The following SRPK2 variants were observed in gnomAD, a reference collection of about 807,000 sequenced individuals.
SRPK2 encodes SRSF protein kinase 2.
Under a neutral mutation model 90.8 loss-of-function variants are expected in SRPK2, and 21 were observed. The ratio of observed to expected loss-of-function variants is 0.23; its 90% CI spans 0.16 to 0.33. The LOEUF (loss-of-function observed/expected upper bound fraction) is 0.33, where lower values mean the gene tolerates loss of function less well. Ranked by LOEUF, SRPK2 falls within the 10% of genes least tolerant of loss-of-function variation. The pLI is 1.00. For synonymous variants in SRPK2, 288 were observed against 311.1 expected, an observed-to-expected ratio of 0.93 and a Z score of 0.78; for missense variants, 620 against 869.0, an observed-to-expected ratio of 0.71 and a Z score of 3.60.
At chr7:105,269,747 A>T (rs1400298262) in intron 2 of SRPK2, among the ~76,000 whole-genome samples, 3 of 151,970 alleles carry the variant, frequency 2.0e-5, no homozygotes, top group Non-Finnish European at 4.4e-5. Context: ...CCTTTAAAAC[A>T]TCAACGACTG....
At chr7:105,300,289 A>G (rs1467376584) in intron 2 of SRPK2, among the ~76,000 whole-genome samples, 1 of 150,964 alleles carries the variant, frequency 6.6e-6, no homozygotes, top group African/African-American at 2.4e-5. Context: ...GTATATATAT[A>G]CATATTTAGA....
At chr7:105,148,900 A>T (rs1030665946) in intron 7 of SRPK2, among the ~76,000 whole-genome samples, 2 of 152,190 alleles carry the variant, frequency 1.3e-5, no homozygotes, top group Admixed American at 1.3e-4. Flanking sequence ...TACAAGCAGT[A>T]TACTTGGTAA....
intron 9 of SRPK2, 86 bp from the exon 10 acceptor site, chr7:105,143,416 T>A (rs1804087850): frequency 1.3e-6 from 2 of 1,482,496 alleles, no homozygotes; most frequent in Admixed American, 4.2e-5. Context: ...CAAATAGCAA[T>A]AAACTCTGCT....
chr7:105,132,723 C>G lies in SRPK2; in HGVS notation c.1752+68G>C. 16 of 1,296,858 alleles carry G rather than the reference C, an allele frequency of 1.2e-5. No individual in the cohort carries two copies. The South Asian group carries it at 2.1e-4, about 17-fold the overall frequency. The allele number at this position is 1,296,858 out of a possible 1,614,324, so 80.3% of individuals were successfully genotyped here. On this transcript the variant is annotated intron_variant, in intron 13 of 15. Coordinates refer to ENST00000393651, the MANE Select transcript of SRPK2 (RefSeq NM_182692.3). ...TGAGGTCGCATGCCTCAGAGAGACT[C>G]AGCCCCATCCAGAGTGTGAAAGGAA...
At chr7:105,268,778 A>G (rs772587246) in intron 2 of SRPK2, 1 of 1,584,262 alleles carries the variant, frequency 6.3e-7, no homozygotes, top group Non-Finnish European at 8.6e-7. Flanking sequence ...TACACCATTA[A>G]TTGTTCATGC....
At chr7:105,209,210 C>T (rs375362845) in intron 2 of SRPK2, among the ~76,000 whole-genome samples, 6 of 152,222 alleles carry the variant, frequency 3.9e-5, no homozygotes, top group Admixed American at 3.9e-4. Context: ...AAACAAGGTG[C>T]TAATTTAAGA....
intron 2 of SRPK2, among the ~76,000 whole-genome samples, chr7:105,387,334 C>T (rs1821724280): frequency 6.6e-6 from 1 of 152,192 alleles, no homozygotes; most frequent in Non-Finnish European, 1.5e-5. Context: ...CAAAGGAAAT[C>T]TCAAATTTAA....
chr7:105,186,146 T>C (rs1180947458), intron 3 of SRPK2, among the ~76,000 whole-genome samples: 1 of 152,222 alleles, frequency 6.6e-6, no homozygotes, highest in African/African-American at 2.4e-5. Flanking sequence ...TCTATGAATG[T>C]TGTATCATTT....
At chr7:105,170,973 GAAAGAGAAAGAAAGAA>G (rs1563027119) in intron 3 of SRPK2, among the ~76,000 whole-genome samples, 2 of 70,516 alleles carry the variant, frequency 2.8e-5, no homozygotes, top group African/African-American at 1.2e-4. Flanking sequence ...GAAAGAGAAA[GAAAGAGAAAGAAAGAA>G]AGAAAGAGAA....
At chr7:105,291,272 A>T (rs1424139883) in intron 2 of SRPK2, among the ~76,000 whole-genome samples, 1 of 152,206 alleles carries the variant, frequency 6.6e-6, no homozygotes, top group Non-Finnish European at 1.5e-5. Flanking sequence ...GTAGGGCAGA[A>T]ATAAAATGAG....
intron 4 of SRPK2, among the ~76,000 whole-genome samples, chr7:105,168,508 C>G (rs1563020212): frequency 6.6e-6 from 1 of 152,008 alleles, no homozygotes; most frequent in Non-Finnish European, 1.5e-5. Flanking sequence ...GAGATCTATC[C>G]AATACACAGA....
intron 3 of SRPK2, among the ~76,000 whole-genome samples, chr7:105,172,897 G>A (rs1332926729): frequency 6.6e-6 from 1 of 152,174 alleles, no homozygotes; most frequent in East Asian, 1.9e-4. Context: ...ACTAGTATAT[G>A]TTTCAGATTC....
At chr7:105,171,606 T>C (rs1316327188) in intron 3 of SRPK2, among the ~76,000 whole-genome samples, 1 of 152,212 alleles carries the variant, frequency 6.6e-6, no homozygotes, top group Non-Finnish European at 1.5e-5. Context: ...CTCTCAATAA[T>C]ACTTCAAGAA....
chr7:105,133,451 T>TCC (rs1300244877), intron 11 of SRPK2, among the ~76,000 whole-genome samples: 2 of 152,258 alleles, frequency 1.3e-5, no homozygotes, highest in African/African-American at 4.8e-5. Flanking sequence ...TGTCAATCCA[T>TCC]CCCTTCACGG....
At chr7:105,139,351 G>A (rs1803357639) in intron 11 of SRPK2, among the ~76,000 whole-genome samples, 1 of 152,160 alleles carries the variant, frequency 6.6e-6, no homozygotes. Flanking sequence ...CAAGGCAAGG[G>A]GGACCCCTAC....
chr7:105,370,775 C>T (rs1375358799), intron 2 of SRPK2, among the ~76,000 whole-genome samples: 2 of 151,890 alleles, frequency 1.3e-5, no homozygotes, highest in African/African-American at 4.8e-5. Context: ...ACCATCAAGC[C>T]TGACTAATTT....
intron 2 of SRPK2, chr7:105,205,887 A>G (rs1796169003): frequency 1.9e-6 from 1 of 515,038 alleles, no homozygotes; most frequent in Non-Finnish European, 3.9e-6. Context: ...GTTTCTTCCT[A>G]ACTCAGAAAC....
chr7:105,160,484 G>A, intron 7 of SRPK2, 23 bp downstream of exon 7: 1 of 1,462,064 alleles, frequency 6.8e-7, no homozygotes, highest in Non-Finnish European at 9.6e-7. Flanking sequence ...CTAGGGCCTA[G>A]GGGCTGCCGT....
intron 3 of SRPK2, among the ~76,000 whole-genome samples, chr7:105,195,209 C>T (rs557739459): frequency 1.3e-5 from 2 of 152,264 alleles, no homozygotes; most frequent in African/African-American, 2.4e-5. Flanking sequence ...GCCACCGTGC[C>T]CGGCTAATTT....
Sources: allele counts gnomAD v4.1 joint callset (sites outside exome capture counted in the v4.1 genomes callset), GRCh38; gene constraint gnomAD v4.1.1; transcripts MANE v1.5; gene names NCBI Gene and HGNC (gene_info 2026-07-23, HGNC 2026-07-21).